The following RSRC1 variants were observed in gnomAD, a reference collection of about 807,000 sequenced individuals.
RSRC1 encodes the protein serine/Arginine-related protein 53.
In RSRC1, 39 loss-of-function variants were observed where a neutral mutation model predicts 49.1. That is an observed-to-expected ratio of 0.79 (90% CI 0.61 to 1.04). RSRC1 has a LOEUF of 1.04. Ranked by LOEUF, RSRC1 falls within the 50% of genes least tolerant of loss-of-function variation. The pLI is 0.00. For synonymous variants in RSRC1, 143 were observed against 130.8 expected (o/e 1.09, Z -0.63); for missense variants, 388 against 402.4 (o/e 0.96, Z 0.31).
intron 2 of RSRC1, 115 bp downstream of exon 2, chr3:158,122,413 T>C: frequency 1.3e-6 from 1 of 778,064 alleles, no homozygotes; most frequent in Non-Finnish European, 1.9e-6. Flanking sequence ...GCTATATATT[T>C]ATGAAAGTCC....
intron 5 of RSRC1, among the ~76,000 whole-genome samples, chr3:158,323,208 T>C (rs1728862438): frequency 1.3e-5 from 2 of 152,212 alleles, no homozygotes; most frequent in South Asian, 4.1e-4. Context: ...TGAAATTTGG[T>C]ACCTCTGCAG....
At chr3:158,133,592 T>C (rs1363724257) in intron 3 of RSRC1, among the ~76,000 whole-genome samples, 1 of 152,216 alleles carries the variant, frequency 6.6e-6, no homozygotes, top group African/African-American at 2.4e-5. Context: ...TTAAAGACAA[T>C]AATTCGTCTG....
chr3:158,419,629 T>C (rs192536987), intron 6 of RSRC1, among the ~76,000 whole-genome samples: 6 of 152,012 alleles, frequency 3.9e-5, no homozygotes, highest in Admixed American at 3.9e-4. Context: ...AGCAATTACC[T>C]TGCTGTTTGG....
intron 6 of RSRC1, among the ~76,000 whole-genome samples, chr3:158,426,009 GTTATTAC>G (rs2108348006): frequency 1.3e-5 from 2 of 151,754 alleles, no homozygotes; most frequent in African/African-American, 4.8e-5. Context: ...ATGAGGACTT[GTTATTAC>G]ATATAAGTGA....
At chr3:158,157,308 C>A (rs917052900) in intron 3 of RSRC1, among the ~76,000 whole-genome samples, 5 of 152,114 alleles carry the variant, frequency 3.3e-5, no homozygotes, top group African/African-American at 1.2e-4. Context: ...TACAGCAATT[C>A]AGTGGGATAG....
intron 4 of RSRC1, among the ~76,000 whole-genome samples, chr3:158,289,745 G>T (rs1482071421): frequency 6.6e-6 from 1 of 152,202 alleles, no homozygotes; most frequent in Non-Finnish European, 1.5e-5. Flanking sequence ...TTGTAGATCA[G>T]AGTACTGACA....
intron 6 of RSRC1, among the ~76,000 whole-genome samples, chr3:158,423,970 G>A (rs1462999846): frequency 3.3e-5 from 5 of 150,196 alleles, no homozygotes; most frequent in Admixed American, 2.7e-4. Flanking sequence ...AGGATATTTT[G>A]GGCTGAGACA....
intron 3 of RSRC1, among the ~76,000 whole-genome samples, chr3:158,185,984 G>T (rs1251314941): frequency 2.0e-5 from 3 of 151,782 alleles, no homozygotes; most frequent in Admixed American, 1.3e-4. Flanking sequence ...TTTAGTTATG[G>T]TATGTGTATC....
intron 7 of RSRC1, among the ~76,000 whole-genome samples, chr3:158,466,094 A>G (rs763892792): frequency 6.6e-6 from 1 of 152,174 alleles, no homozygotes; most frequent in Admixed American, 6.5e-5. Flanking sequence ...AGTTTTTTCT[A>G]TTCCATATTA....
chr3:158,145,085 T>A (rs578016924), intron 3 of RSRC1, among the ~76,000 whole-genome samples: 1,579 of 152,320 alleles, frequency 0.01, 12 homozygotes, highest in Admixed American at 0.014. Context: ...GTAGGTTGCC[T>A]GTTCACTCTG....
intron 7 of RSRC1, among the ~76,000 whole-genome samples, chr3:158,501,323 A>G (rs1739578193): frequency 1.3e-5 from 2 of 152,126 alleles, no homozygotes; most frequent in African/African-American, 4.8e-5. Context: ...GTTGAATAGA[A>G]TGTGTATTCT....
chr3:158,535,441 A>G (rs1412528905), intron 7 of RSRC1, among the ~76,000 whole-genome samples: 1 of 151,458 alleles, frequency 6.6e-6, no homozygotes, highest in South Asian at 2.1e-4. Flanking sequence ...GCATGAACTC[A>G]TATTAACTGT....
chr3:158,168,609 A>T (rs1378480308), intron 3 of RSRC1, among the ~76,000 whole-genome samples: 1 of 152,164 alleles, frequency 6.6e-6, no homozygotes, highest in Non-Finnish European at 1.5e-5. Flanking sequence ...TTTTATTAAG[A>T]TGGTGGACAT....
At chr3:158,436,872 A>G (rs1402473997) in intron 6 of RSRC1, among the ~76,000 whole-genome samples, 1 of 151,968 alleles carries the variant, frequency 6.6e-6, no homozygotes, top group Non-Finnish European at 1.5e-5. Context: ...ATTATTATCA[A>G]TACAATTTCA....
intron 4 of RSRC1, among the ~76,000 whole-genome samples, chr3:158,236,362 G>T (rs985597073): frequency 6.6e-6 from 1 of 152,054 alleles, no homozygotes; most frequent in African/African-American, 2.4e-5. Context: ...TTTACTTGTG[G>T]TGAAATGCAC....
intron 3 of RSRC1, among the ~76,000 whole-genome samples, chr3:158,175,613 CT>C (rs1719158906): frequency 1.3e-5 from 2 of 152,030 alleles, no homozygotes; most frequent in African/African-American, 4.8e-5. Context: ...TATGGATTCT[CT>C]ATTGTCTTTC....
rs78527822 is a variant in RSRC1, at chr3:158,226,651, C to A, written c.494+23406C>A. ...CATGGTAAAGTACATGACTCAGCAT[C>A]CCCTTTCTTACAAATGTTAGGGGTG... On this transcript the variant is annotated intron_variant, in intron 4 of 9. Coordinates refer to ENST00000611884, the MANE Select transcript of RSRC1 (RefSeq NM_001271838.2). Among the ~76,000 whole-genome samples, 428 of 151,988 alleles carry A rather than the reference C, an allele frequency of 2.8e-3. 5 individuals are homozygous for A. Among genetic ancestry groups the A allele is most frequent in the African/African-American group, 9.8e-3 (408 of 41,504 alleles).
intron 4 of RSRC1, among the ~76,000 whole-genome samples, chr3:158,263,552 A>G (rs1001236674): frequency 6.6e-6 from 1 of 152,094 alleles, no homozygotes; most frequent in Non-Finnish European, 1.5e-5. Context: ...TGAGTTGGGA[A>G]ATATTTCCTT....
At chr3:158,471,316 T>C (rs1191014378) in intron 7 of RSRC1, among the ~76,000 whole-genome samples, 4 of 152,182 alleles carry the variant, frequency 2.6e-5, no homozygotes, top group African/African-American at 9.6e-5. Flanking sequence ...GGGTGAATCA[T>C]TCAACTTCTA....
Sources: allele counts gnomAD v4.1 joint callset (sites outside exome capture counted in the v4.1 genomes callset), GRCh38; gene constraint gnomAD v4.1.1; transcripts MANE v1.5; gene names NCBI Gene and HGNC (gene_info 2026-07-23, HGNC 2026-07-21).